The following FBXW7 variants were observed in gnomAD, a reference collection of about 807,000 sequenced individuals.
The protein encoded by FBXW7 is F-box and WD repeat domain containing 7, also known as F-box/WD repeat-containing protein 7.
Under a neutral mutation model 86.3 loss-of-function variants are expected in FBXW7, and 11 were observed. The ratio of observed to expected loss-of-function variants is 0.13; its 90% CI spans 0.08 to 0.21. FBXW7 has a LOEUF of 0.21. Among genes scored for constraint, FBXW7 ranks in the 10% least tolerant of loss-of-function variants. The pLI is 1.00. For missense variants in FBXW7, 488 were observed against 847.4 expected (o/e 0.58, Z 5.27); for synonymous variants, 313 against 297.9 (o/e 1.05, Z -0.52).
chr4:152,442,173 C>T (rs935387205), intron 2 of FBXW7, among the ~76,000 whole-genome samples: 1 of 152,130 alleles, frequency 6.6e-6, no homozygotes, highest in African/African-American at 2.4e-5. Flanking sequence ...CTGAGGTTTC[C>T]AACTTCTCAT....
intron 4 of FBXW7, among the ~76,000 whole-genome samples, chr4:152,408,191 A>G (rs985443128): frequency 3.9e-5 from 6 of 152,308 alleles, no homozygotes; most frequent in African/African-American, 1.4e-4. Context: ...TAATGCTCAA[A>G]CACACTTCTC....
intron 2 of FBXW7, among the ~76,000 whole-genome samples, chr4:152,490,255 T>C (rs1745713376): frequency 6.6e-6 from 1 of 152,120 alleles, no homozygotes. Context: ...CAGAGATGGA[T>C]GGTTGCAAAA....
At chr4:152,439,013 C>T (rs1740634695) in intron 2 of FBXW7, among the ~76,000 whole-genome samples, 1 of 152,092 alleles carries the variant, frequency 6.6e-6, no homozygotes, top group Admixed American at 6.5e-5. Context: ...AAAATTTTCC[C>T]CAGCATAGTA....
chr4:152,515,840 C>T (rs971231274), intron 2 of FBXW7, among the ~76,000 whole-genome samples: 1 of 150,146 alleles, frequency 6.7e-6, no homozygotes, highest in African/African-American at 2.5e-5. Flanking sequence ...CTTAGTCATA[C>T]ATAAAGTAAG....
At chr4:152,434,199 C>G (rs1409827770) in intron 2 of FBXW7, among the ~76,000 whole-genome samples, 3 of 152,120 alleles carry the variant, frequency 2.0e-5, no homozygotes, top group African/African-American at 7.2e-5. Flanking sequence ...CAGTAAGTGT[C>G]GTACGGACAG....
chr4:152,495,696 C>T (rs1746272254), intron 2 of FBXW7, among the ~76,000 whole-genome samples: 1 of 152,136 alleles, frequency 6.6e-6, no homozygotes, highest in Admixed American at 6.5e-5. Flanking sequence ...CCCCTTTCTA[C>T]TCCATACATT....
At chr4:152,383,132 A>C (rs984465987) in intron 4 of FBXW7, among the ~76,000 whole-genome samples, 4 of 152,172 alleles carry the variant, frequency 2.6e-5, no homozygotes, top group African/African-American at 9.6e-5. Context: ...ACTTGAAAGC[A>C]TAACAGTCAC....
chr4:152,528,515 C>T (rs1407049254), intron 2 of FBXW7, among the ~76,000 whole-genome samples: 1 of 152,146 alleles, frequency 6.6e-6, no homozygotes, highest in Non-Finnish European at 1.5e-5. Flanking sequence ...AAAAGAACAC[C>T]TCAGAAAAAT....
At chr4:152,346,459 T>C (rs1304510223) in intron 6 of FBXW7, among the ~76,000 whole-genome samples, 1 of 152,236 alleles carries the variant, frequency 6.6e-6, no homozygotes, top group Non-Finnish European at 1.5e-5. Context: ...CAAATAAGTA[T>C]TGGACTTTCT....
In FBXW7 at chr4:152,492,059, G is replaced by A. The variant is rs117420629; in HGVS notation, c.-120+42882C>T. ...CCCAGTTGAATATCACCATTTTCCA[G>A]AAGCAAAAGGCAACCTTTGTTCTGT... is the stretch of plus-strand genomic sequence containing the variant. On this transcript the variant is annotated intron_variant, in intron 2 of 13. Transcript: ENST00000281708. Among the ~76,000 whole-genome samples, 1,135 of 152,236 alleles carry A rather than the reference G, an allele frequency of 7.5e-3. 38 individuals are homozygous for A. The highest frequency in any genetic ancestry group is 0.057 in the East Asian group (294 of 5,182).
At chr4:152,385,371 T>C (rs941562993) in intron 4 of FBXW7, among the ~76,000 whole-genome samples, 4 of 152,030 alleles carry the variant, frequency 2.6e-5, no homozygotes, top group Non-Finnish European at 4.4e-5. Flanking sequence ...GTATTCAATA[T>C]TATAAATTTT....
chr4:152,451,035 G>A (rs893850657), intron 2 of FBXW7, among the ~76,000 whole-genome samples: 1 of 152,116 alleles, frequency 6.6e-6, no homozygotes, highest in Non-Finnish European at 1.5e-5. Context: ...TTGATGTATA[G>A]TATTGTTGAT....
At chr4:152,497,958 C>A (rs1322026953) in intron 2 of FBXW7, among the ~76,000 whole-genome samples, 1 of 152,106 alleles carries the variant, frequency 6.6e-6, no homozygotes, top group Non-Finnish European at 1.5e-5. Flanking sequence ...AAACACAGGT[C>A]ATCTTTTGTG....
chr4:152,427,707 A>G (rs1218683170), intron 2 of FBXW7, among the ~76,000 whole-genome samples: 1 of 152,176 alleles, frequency 6.6e-6, no homozygotes, highest in Non-Finnish European at 1.5e-5. Context: ...ATTATGAAGG[A>G]CTCCCAAAAG....
At chr4:152,343,038 A>G (rs887839036) in intron 6 of FBXW7, among the ~76,000 whole-genome samples, 13 of 152,194 alleles carry the variant, frequency 8.5e-5, no homozygotes, top group African/African-American at 3.1e-4. Context: ...AATAAAGTAG[A>G]TTTGAGAACA....
At chr4:152,468,741 TAAA>T (rs1743679681) in intron 2 of FBXW7, among the ~76,000 whole-genome samples, 1 of 152,094 alleles carries the variant, frequency 6.6e-6, no homozygotes, top group Admixed American at 6.5e-5. Flanking sequence ...TTCATCTCAA[TAAA>T]ACTGTCACTA....
chr4:152,484,374 AAT>A (rs1347504227), intron 2 of FBXW7, among the ~76,000 whole-genome samples: 1 of 152,196 alleles, frequency 6.6e-6, no homozygotes, highest in Non-Finnish European at 1.5e-5. Flanking sequence ...ATAAAGCAAG[AAT>A]ATGACCCTTT....
Position 152,535,293 on chromosome 4 carries a change from C to A in FBXW7, c.-379G>T. 1 of 299,730 alleles carries A rather than the reference C, an allele frequency of 3.3e-6. No homozygotes were observed. Among genetic ancestry groups the A allele is most frequent in the Non-Finnish European group, 6.1e-6 (1 of 163,162 alleles). 18.6% of individuals were successfully genotyped at this position (299,730 alleles called of 1,614,324 possible). A position where few individuals can be genotyped will look rare whatever the true frequency, so the allele number is the denominator to read the frequency against. On this transcript the variant is annotated 5_prime_UTR_variant, in exon 1 of 14. It adds an upstream start codon to the 5' untranslated region. Coordinates refer to ENST00000281708, the MANE Select transcript of FBXW7 (RefSeq NM_001349798.2). The stretch of plus-strand genomic sequence containing the variant: ...CCGGGTCCCCCCCGGCCCCGCCGCC[C>A]TCGGGACTGGGGCGGGGGAGGGGGG...
intron 4 of FBXW7, among the ~76,000 whole-genome samples, chr4:152,352,000 C>CA (rs890499309): frequency 3.3e-5 from 5 of 151,860 alleles, no homozygotes; most frequent in Non-Finnish European, 5.9e-5. Flanking sequence ...ACTTCAGAAC[C>CA]AAAAATTAAT....
Sources: gnomAD v4.1 joint callset for allele counts (sites outside exome capture counted in the v4.1 genomes callset) on GRCh38, gnomAD v4.1.1 for gene constraint, MANE v1.5 for transcripts, NCBI Gene and HGNC (gene_info 2026-07-23, HGNC 2026-07-21) for gene names.